The following USH2A variants were observed in gnomAD, a reference collection of about 807,000 sequenced individuals.
USH2A encodes the protein usherin, also known as Usher syndrome 2A (autosomal recessive, mild).
In USH2A, 443 loss-of-function variants were observed where a neutral mutation model predicts 538.9. The observed-to-expected ratio is 0.82, with a 90% confidence interval of 0.76 to 0.89. The LOEUF (loss-of-function observed/expected upper bound fraction) is 0.89, where lower values mean the gene tolerates loss of function less well. Ranked by LOEUF, USH2A falls within the 40% of genes least tolerant of loss-of-function variation. The pLI is 0.00. For missense variants in USH2A, 6,633 were observed against 6,324.8 expected (o/e 1.05, Z -1.65); for synonymous variants, 2,413 against 2,273.5 (o/e 1.06, Z -1.75).
At chr1:216,124,811 C>A (rs887433235) in intron 21 of USH2A, among the ~76,000 whole-genome samples, 2 of 152,096 alleles carry the variant, frequency 1.3e-5, no homozygotes, top group African/African-American at 4.8e-5. Flanking sequence ...AGGGACACAC[C>A]AAAAATTCAG....
At chr1:215,779,717 A>G (rs1661565376) in intron 55 of USH2A, 126 bp downstream of exon 55, 1 of 1,137,762 alleles carries the variant, frequency 8.8e-7, no homozygotes, top group Admixed American at 2.0e-5. Flanking sequence ...ACCTGACCAT[A>G]TGTCAAGAGA....
At chr1:215,658,330 G>A (rs1657331047) in intron 64 of USH2A, among the ~76,000 whole-genome samples, 1 of 151,780 alleles carries the variant, frequency 6.6e-6, no homozygotes, top group Admixed American at 6.6e-5. Flanking sequence ...TGGAGGATAT[G>A]TAAAAGTAGT....
At chr1:215,862,438 T>C (rs12127267) in intron 44 of USH2A, among the ~76,000 whole-genome samples, 14,246 of 151,834 alleles carry the variant, frequency 0.094, 744 homozygotes, top group East Asian at 0.19. Flanking sequence ...TGGGGAGGGA[T>C]AGCATTAGGA....
At chr1:215,724,354 C>G (rs1392422353) in intron 61 of USH2A, among the ~76,000 whole-genome samples, 1 of 150,520 alleles carries the variant, frequency 6.6e-6, no homozygotes, top group Non-Finnish European at 1.5e-5. Flanking sequence ...TGAAGTAACT[C>G]AGACACAGAC....
At position 215,934,774 on chromosome 1, in the gene USH2A, A is replaced by C. The variant is rs1242359760; in HGVS notation, c.7142T>G (p.Leu2381Arg). Residue 2381 changes from leucine (L) to arginine (R), a missense_variant, in exon 38 of 72, where the codon CTG becomes CGG. Leu to Arg is a moderately radical substitution (Grantham distance 102). Transcript: ENST00000307340. ...VDPVGNNYTLLNVTKVMYSGE... is the reference protein window; with the variant it reads ...VDPVGNNYTLRNVTKVMYSGE... ...GCTGTACATGACTTTTGTGACATTC[A>C]GAAGGGTGTAGTTATTACCTACTGA... is the stretch of plus-strand genomic sequence containing the variant. 1 of 1,612,462 alleles carries C rather than the reference A, an allele frequency of 6.2e-7. No homozygotes were observed. The highest frequency in any genetic ancestry group is 1.7e-5 in the Admixed American group (1 of 59,850).
At chr1:216,279,989 C>T (rs1053629384) in intron 11 of USH2A, among the ~76,000 whole-genome samples, 43 of 151,484 alleles carry the variant, frequency 2.8e-4, no homozygotes, top group Admixed American at 2.8e-3. Flanking sequence ...CGGCTCACTC[C>T]CACCTTGGGT....
chr1:216,122,249 C>T (rs1222934790), intron 21 of USH2A, among the ~76,000 whole-genome samples: 1 of 152,086 alleles, frequency 6.6e-6, no homozygotes, highest in Non-Finnish European at 1.5e-5. Context: ...AGAAAAGTAT[C>T]ATTCTTAATC....
intron 32 of USH2A, among the ~76,000 whole-genome samples, chr1:216,001,652 A>G (rs1019930395): frequency 2.0e-5 from 3 of 152,188 alleles, no homozygotes; most frequent in Admixed American, 2.0e-4. Flanking sequence ...TAAGTAACAC[A>G]GATTCTTAAA....
chr1:216,243,350 T>C (rs2035972340), intron 13 of USH2A, among the ~76,000 whole-genome samples: 2 of 152,200 alleles, frequency 1.3e-5, no homozygotes, highest in African/African-American at 4.8e-5. Context: ...AAGCATCTAT[T>C]CGGAAGTTGA....
intron 40 of USH2A, among the ~76,000 whole-genome samples, chr1:215,896,226 C>T (rs1490925079): frequency 6.6e-6 from 1 of 150,996 alleles, no homozygotes; most frequent in Non-Finnish European, 1.5e-5. Flanking sequence ...TTTTAAACTA[C>T]AAATTTGGGA....
At chr1:215,955,690 A>G (rs1667047303) in intron 37 of USH2A, among the ~76,000 whole-genome samples, 1 of 152,122 alleles carries the variant, frequency 6.6e-6, no homozygotes, top group South Asian at 2.1e-4. Flanking sequence ...TTTTTTCATA[A>G]ATAGCCCACT....
intron 4 of USH2A, among the ~76,000 whole-genome samples, chr1:216,335,408 G>C (rs1250391835): frequency 1.3e-5 from 2 of 151,152 alleles, no homozygotes; most frequent in African/African-American, 2.4e-5. Context: ...TCAACCTAAA[G>C]CTAGCAGAAG....
At chr1:215,696,719 C>T (rs1658822873) in intron 61 of USH2A, among the ~76,000 whole-genome samples, 1 of 152,068 alleles carries the variant, frequency 6.6e-6, no homozygotes, top group African/African-American at 2.4e-5. Flanking sequence ...GCTTAAATTA[C>T]AAATGGGGGC....
intron 49 of USH2A, among the ~76,000 whole-genome samples, chr1:215,810,213 A>T (rs187271389): frequency 6.6e-6 from 1 of 152,200 alleles, no homozygotes; most frequent in Middle Eastern, 3.2e-3. Context: ...GTATTTATAC[A>T]TACAGACAAT....
chr1:215,769,279 C>T (rs1319181707), intron 55 of USH2A, among the ~76,000 whole-genome samples: 3 of 151,840 alleles, frequency 2.0e-5, no homozygotes, highest in African/African-American at 7.3e-5. Context: ...TCATTGTGGT[C>T]GTGGCTGGTC....
intron 61 of USH2A, among the ~76,000 whole-genome samples, chr1:215,693,600 T>C (rs1208068618): frequency 1.3e-5 from 2 of 152,194 alleles, no homozygotes; most frequent in African/African-American, 2.4e-5. Context: ...CAAAGAACTT[T>C]TGTTTCTGAT....
At chr1:215,960,305 C>T (rs2102449833) in intron 37 of USH2A, among the ~76,000 whole-genome samples, 1 of 152,228 alleles carries the variant, frequency 6.6e-6, no homozygotes, top group South Asian at 2.1e-4. Flanking sequence ...GTTGCTACTA[C>T]TATGCTGTAA....
intron 21 of USH2A, among the ~76,000 whole-genome samples, chr1:216,107,463 G>A (rs1461602893): frequency 6.6e-6 from 1 of 151,528 alleles, no homozygotes; most frequent in Non-Finnish European, 1.5e-5. Context: ...ATGTTTCATG[G>A]TTTATTTTTT....
At chr1:215,970,912 T>C in intron 35 of USH2A, 136 bp from the exon 36 acceptor site, 1 of 899,212 alleles carries the variant, frequency 1.1e-6, no homozygotes, top group South Asian at 1.4e-5. Flanking sequence ...TCTCCTTGTC[T>C]AAACTCTGTC....
Sources: allele counts gnomAD v4.1 joint callset (sites outside exome capture counted in the v4.1 genomes callset), GRCh38; gene constraint gnomAD v4.1.1; transcripts MANE v1.5; gene names NCBI Gene and HGNC (gene_info 2026-07-23, HGNC 2026-07-21).